The following FGF14 variants were observed in gnomAD, a reference collection of about 807,000 sequenced individuals.
The protein encoded by FGF14 is fibroblast growth factor homologous factor 4.
Under a neutral mutation model 25.5 loss-of-function variants are expected in FGF14, and 5 were observed. That is an observed-to-expected ratio of 0.20 (90% CI 0.10 to 0.41). The LOEUF (loss-of-function observed/expected upper bound fraction) is 0.41, where lower values mean the gene tolerates loss of function less well. Among genes scored for constraint, FGF14 ranks in the 10% least tolerant of loss-of-function variants. FGF14 has a pLI of 1.00. For synonymous variants in FGF14, 138 were observed against 118.3 expected, an observed-to-expected ratio of 1.17 and a Z score of -1.08; for missense variants, 222 against 320.1, an observed-to-expected ratio of 0.69 and a Z score of 2.34.
intron 1 of FGF14, among the ~76,000 whole-genome samples, chr13:102,060,170 A>T (rs1054263983): frequency 9.2e-5 from 14 of 151,574 alleles, no homozygotes; most frequent in Non-Finnish European, 1.9e-4. Context: ...AAAAAAAAAA[A>T]TCCCAAATCC....
intron 1 of FGF14, among the ~76,000 whole-genome samples, chr13:102,270,478 A>G (rs1198099025): frequency 6.6e-6 from 1 of 152,122 alleles, no homozygotes. Context: ...CACTTTGCCT[A>G]CTTAGGTTTG....
intron 1 of FGF14, among the ~76,000 whole-genome samples, chr13:101,972,706 G>A (rs910000151): frequency 5.3e-5 from 8 of 151,750 alleles, no homozygotes; most frequent in Admixed American, 2.0e-4. Context: ...AAGGGGTCTC[G>A]CTATATTGCC....
At chr13:101,869,229 T>C (rs1360537008) in intron 2 of FGF14, among the ~76,000 whole-genome samples, 1 of 152,174 alleles carries the variant, frequency 6.6e-6, no homozygotes, top group Non-Finnish European at 1.5e-5. Flanking sequence ...GAAGGTGTGA[T>C]TTGTCATTGC....
At chr13:102,027,239 A>G (rs1395219423) in intron 1 of FGF14, among the ~76,000 whole-genome samples, 2 of 151,512 alleles carry the variant, frequency 1.3e-5, no homozygotes, top group Non-Finnish European at 2.9e-5. Context: ...ACACACACAT[A>G]CACACACACA....
intron 1 of FGF14, among the ~76,000 whole-genome samples, chr13:102,351,476 G>T (rs181321618): frequency 1.3e-5 from 2 of 152,308 alleles, no homozygotes; most frequent in East Asian, 3.9e-4. Flanking sequence ...GGTTTTGTGG[G>T]TGTATTAGTT....
chr13:102,268,207 A>G (rs530004502), intron 1 of FGF14, among the ~76,000 whole-genome samples: 6 of 152,300 alleles, frequency 3.9e-5, no homozygotes, highest in Middle Eastern at 3.4e-3. Flanking sequence ...GACATCCAAC[A>G]TAAGTCCAAG....
chr13:102,362,389 A>G (rs1238919233), intron 1 of FGF14, among the ~76,000 whole-genome samples: 1 of 152,192 alleles, frequency 6.6e-6, no homozygotes, highest in African/African-American at 2.4e-5. Context: ...GACTCTTCCA[A>G]CTTCTCTCCA....
intron 1 of FGF14, among the ~76,000 whole-genome samples, chr13:101,898,002 C>T (rs1487188585): frequency 6.7e-6 from 1 of 148,410 alleles, no homozygotes; most frequent in East Asian, 2.0e-4. Flanking sequence ...TCAAGTGATC[C>T]TCCCATCTCA....
At chr13:102,206,132 C>G (rs1460042448) in intron 1 of FGF14, among the ~76,000 whole-genome samples, 1 of 148,876 alleles carries the variant, frequency 6.7e-6, no homozygotes, top group East Asian at 2.0e-4. Flanking sequence ...CCTTCAAACA[C>G]ACACACACAC....
chr13:101,717,244 C>T lies in FGF14; in HGVS notation c.*5587G>A, dbSNP rs1372182198. On this transcript the variant is annotated 3_prime_UTR_variant, in exon 5 of 5. Coordinates refer to ENST00000376143, the MANE Select transcript of FGF14 (RefSeq NM_004115.4). The stretch of plus-strand genomic sequence containing the variant: ...AATATTGAAAATTATTTTAAGAGAA[C>T]ATTTAACTGATCCTGATTTTTATAG... 6.6e-6 allele frequency: 1 copy of T among 151,990 alleles called. No individual in the cohort carries two copies. Among genetic ancestry groups the T allele is most frequent in the Admixed American group, 6.6e-5 (1 of 15,242 alleles). The allele number at this position is 151,990 out of a possible 1,614,324, so 9.4% of individuals were successfully genotyped here.
intron 1 of FGF14, among the ~76,000 whole-genome samples, chr13:102,192,652 C>T (rs946653622): frequency 2.0e-5 from 3 of 152,074 alleles, no homozygotes; most frequent in Non-Finnish European, 2.9e-5. Context: ...TTGCAAAATC[C>T]AAAGTCTTAT....
At chr13:102,026,932 T>A (rs1330807457) in intron 1 of FGF14, among the ~76,000 whole-genome samples, 1 of 152,046 alleles carries the variant, frequency 6.6e-6, no homozygotes, top group Admixed American at 6.6e-5. Flanking sequence ...ATAGCTTGAC[T>A]TAGATTCTGT....
chr13:101,763,483 G>A (rs1319328980), intron 3 of FGF14, among the ~76,000 whole-genome samples: 1 of 152,208 alleles, frequency 6.6e-6, no homozygotes, highest in Non-Finnish European at 1.5e-5. Flanking sequence ...AAGGAACTTT[G>A]TGTGTGGAGA....
intron 3 of FGF14, among the ~76,000 whole-genome samples, chr13:101,777,840 T>C (rs1010622942): frequency 2.0e-5 from 3 of 152,086 alleles, no homozygotes; most frequent in African/African-American, 7.2e-5. Flanking sequence ...GAGAGGCACC[T>C]GTAATTCCAG....
intron 1 of FGF14, among the ~76,000 whole-genome samples, chr13:101,892,097 A>G (rs1429450009): frequency 1.3e-5 from 2 of 152,214 alleles, no homozygotes; most frequent in African/African-American, 4.8e-5. Context: ...CAAGATGTCT[A>G]GAGTTTGCAT....
intron 1 of FGF14, among the ~76,000 whole-genome samples, chr13:101,943,062 A>G (rs2035554769): frequency 6.6e-6 from 1 of 152,200 alleles, no homozygotes; most frequent in Admixed American, 6.5e-5. Flanking sequence ...TGTGTCAAGC[A>G]AGTATTAGTA....
intron 3 of FGF14, among the ~76,000 whole-genome samples, chr13:101,867,622 G>T (rs1276794172): frequency 1.3e-5 from 2 of 152,078 alleles, no homozygotes; most frequent in Non-Finnish European, 2.9e-5. Flanking sequence ...TCTAAAGGGA[G>T]CATAGGGAAT....
chr13:101,925,203 TGTTTTG>T (rs2034283234), intron 1 of FGF14, among the ~76,000 whole-genome samples: 1 of 152,158 alleles, frequency 6.6e-6, no homozygotes, highest in Non-Finnish European at 1.5e-5. Context: ...AACATTCAAA[TGTTTTG>T]GTATATTTTT....
intron 3 of FGF14, among the ~76,000 whole-genome samples, chr13:101,852,358 T>C (rs981068107): frequency 6.6e-6 from 1 of 152,128 alleles, no homozygotes; most frequent in Non-Finnish European, 1.5e-5. Flanking sequence ...ATATTTCTAA[T>C]GGTAGAATTT....
Sources: gnomAD v4.1 joint callset for allele counts (sites outside exome capture counted in the v4.1 genomes callset) on GRCh38, gnomAD v4.1.1 for gene constraint, MANE v1.5 for transcripts, NCBI Gene and HGNC (gene_info 2026-07-23, HGNC 2026-07-21) for gene names.